AGBL1: variants seen among roughly 807,000 people sequenced by gnomAD.
The protein encoded by AGBL1 is cytosolic carboxypeptidase 4.
In AGBL1, 130 loss-of-function variants were observed where a neutral mutation model predicts 118.9. That is an observed-to-expected ratio of 1.09 (90% confidence interval 0.95 to 1.26). The LOEUF (loss-of-function observed/expected upper bound fraction) is 1.26, where lower values mean the gene tolerates loss of function less well. Among genes scored for constraint, AGBL1 ranks in the 50% most tolerant of loss-of-function variants. The pLI, the probability that AGBL1 is intolerant of heterozygous loss-of-function variation, is 0.00. For synonymous variants in AGBL1, 555 were observed against 478.9 expected, an observed-to-expected ratio of 1.16 and a Z score of -2.08; for missense variants, 1,584 against 1,298.1, an observed-to-expected ratio of 1.22 and a Z score of -3.38.
rs574907709 is a variant in AGBL1 at position 86,701,329 on chromosome 15, A to C, written c.3158+26893A>C. Reference sequence around the variant, plus strand: ...GGAGAGGGGAGGTGAAGGGTGAAAAAATATGGGGACTCTGGTTGTGTGTGT... The same window carrying C: ...GGAGAGGGGAGGTGAAGGGTGAAAACATATGGGGACTCTGGTTGTGTGTGT... On this transcript the variant is annotated intron_variant, in intron 22 of 22. Coordinates refer to ENST00000614907, the MANE Select transcript of AGBL1 (RefSeq NM_001386094.1). 2.0e-5 allele frequency among the ~76,000 whole-genome samples: 3 copies of C among 152,062 alleles called. No individual in the cohort carries two copies. In the East Asian group the frequency reaches 5.8e-4, roughly 30 times the overall value.
intron 22 of AGBL1, among the ~76,000 whole-genome samples, chr15:86,844,997 G>GC (rs139809114): frequency 0.07 from 10,653 of 152,072 alleles, 494 homozygotes; most frequent in Non-Finnish European, 0.1. Context: ...AATCAGTTAA[G>GC]CATATATGTA....
chr15:86,875,089 A>G (rs368611468), intron 22 of AGBL1, among the ~76,000 whole-genome samples: 4 of 152,212 alleles, frequency 2.6e-5, no homozygotes, highest in East Asian at 3.9e-4. Flanking sequence ...AGAAAAAAAT[A>G]TAACTTGTTT....
intron 17 of AGBL1, among the ~76,000 whole-genome samples, chr15:86,381,266 A>C (rs1284802091): frequency 1.3e-5 from 2 of 152,206 alleles, no homozygotes; most frequent in Non-Finnish European, 2.9e-5. Flanking sequence ...TGGAAATCTT[A>C]CCTACAAATT....
chr15:86,371,875 G>C (rs984304803), intron 17 of AGBL1, among the ~76,000 whole-genome samples: 10 of 152,288 alleles, frequency 6.6e-5, no homozygotes, highest in Middle Eastern at 6.8e-3. Flanking sequence ...GAGAGTGGCT[G>C]CTTGTAGGGG....
intron 21 of AGBL1, among the ~76,000 whole-genome samples, chr15:86,572,891 A>G (rs544988152): frequency 7.9e-4 from 120 of 152,374 alleles, no homozygotes; most frequent in African/African-American, 2.7e-3. Flanking sequence ...GAGGCCAATG[A>G]CGGTTCAAGT....
chr15:86,231,016 A>G (rs2078446762), intron 6 of AGBL1, among the ~76,000 whole-genome samples: 1 of 152,224 alleles, frequency 6.6e-6, no homozygotes, highest in Non-Finnish European at 1.5e-5. Flanking sequence ...TGATCCACCT[A>G]GATCTCTGAG....
intron 1 of AGBL1, among the ~76,000 whole-genome samples, chr15:86,138,082 C>T (rs911568039): frequency 1.4e-4 from 21 of 152,042 alleles, no homozygotes; most frequent in Non-Finnish European, 5.9e-5. Flanking sequence ...TATTACAGCT[C>T]GTGAGGTGGG....
At chr15:86,390,930 A>T (rs1212666012) in intron 17 of AGBL1, among the ~76,000 whole-genome samples, 1 of 151,548 alleles carries the variant, frequency 6.6e-6, no homozygotes, top group African/African-American at 2.4e-5. Context: ...TTGGCCTCCC[A>T]CAGTGCTGGT....
intron 5 of AGBL1, among the ~76,000 whole-genome samples, chr15:86,221,915 A>G (rs1289458222): frequency 6.6e-6 from 1 of 152,230 alleles, no homozygotes; most frequent in Non-Finnish European, 1.5e-5. Flanking sequence ...ATTAAAAACT[A>G]TAGTTGATAC....
At chr15:86,897,222 C>T (rs937535723) in intron 22 of AGBL1, among the ~76,000 whole-genome samples, 1 of 152,076 alleles carries the variant, frequency 6.6e-6, no homozygotes, top group Non-Finnish European at 1.5e-5. Flanking sequence ...TGCTATAGTG[C>T]CTTACATGTT....
chr15:86,581,537 G>T (rs1478240703), intron 21 of AGBL1, among the ~76,000 whole-genome samples: 1 of 152,140 alleles, frequency 6.6e-6, no homozygotes, highest in Admixed American at 6.5e-5. Flanking sequence ...TTCCAAATTG[G>T]ATCATCATTT....
intron 21 of AGBL1, among the ~76,000 whole-genome samples, chr15:86,561,897 T>A (rs551939432): frequency 6.6e-6 from 1 of 152,294 alleles, no homozygotes; most frequent in East Asian, 1.9e-4. Flanking sequence ...TTCCTAGGTA[T>A]TTTATTCTCT....
At chr15:86,363,767 G>A (rs144166496) in intron 17 of AGBL1, among the ~76,000 whole-genome samples, 1 of 152,176 alleles carries the variant, frequency 6.6e-6, no homozygotes, top group African/African-American at 2.4e-5. Context: ...CTGCTCGAGA[G>A]CTCTCCTTGG....
At chr15:86,596,053 C>A (rs1381618248) in intron 21 of AGBL1, among the ~76,000 whole-genome samples, 2 of 152,016 alleles carry the variant, frequency 1.3e-5, no homozygotes, top group Non-Finnish European at 2.9e-5. Context: ...AAATCCAGCA[C>A]TCTGGGAAGC....
At chr15:86,314,931 T>A (rs2079977941) in intron 17 of AGBL1, among the ~76,000 whole-genome samples, 1 of 152,214 alleles carries the variant, frequency 6.6e-6, no homozygotes, top group Non-Finnish European at 1.5e-5. Context: ...ATTTTCTGAA[T>A]TTTGGAAAGT....
At chr15:86,756,237 C>T (rs769230870) in intron 22 of AGBL1, among the ~76,000 whole-genome samples, 1 of 150,970 alleles carries the variant, frequency 6.6e-6, no homozygotes. Context: ...CAGTAGTGCC[C>T]CCGCCCCCAC....
intron 22 of AGBL1, among the ~76,000 whole-genome samples, chr15:86,704,987 G>A (rs144805623): frequency 4.3e-4 from 65 of 152,164 alleles, no homozygotes; most frequent in East Asian, 3.3e-3. Flanking sequence ...TTGTAGGGAC[G>A]TGGATGAAGC....
intron 22 of AGBL1, among the ~76,000 whole-genome samples, chr15:86,886,544 A>T (rs1320387387): frequency 6.6e-6 from 1 of 152,200 alleles, no homozygotes; most frequent in Non-Finnish European, 1.5e-5. Flanking sequence ...TATATATAAG[A>T]CAAAGGATAA....
chr15:86,734,572 C>T (rs899133399), intron 22 of AGBL1, among the ~76,000 whole-genome samples: 3 of 152,146 alleles, frequency 2.0e-5, no homozygotes, highest in Non-Finnish European at 4.4e-5. Context: ...GGCATACATC[C>T]TTCATGCTGG....
Sources: gnomAD v4.1 joint callset for allele counts (sites outside exome capture counted in the v4.1 genomes callset) on GRCh38, gnomAD v4.1.1 for gene constraint, MANE v1.5 for transcripts, NCBI Gene and HGNC (gene_info 2026-07-23, HGNC 2026-07-21) for gene names.